EFNA5: variants seen among roughly 807,000 people sequenced by gnomAD.
EFNA5 encodes the protein ephrin A5.
A neutral mutation model predicts 22.9 loss-of-function variants in EFNA5; 5 were observed. The observed-to-expected ratio is 0.22, with a 90% confidence interval of 0.11 to 0.46. The LOEUF (loss-of-function observed/expected upper bound fraction) is 0.46, where lower values mean the gene tolerates loss of function less well. Ranked by LOEUF, EFNA5 falls within the 20% of genes least tolerant of loss-of-function variation. The pLI is 0.99. For synonymous variants in EFNA5, 113 were observed against 112.2 expected, an observed-to-expected ratio of 1.01 and a Z score of -0.04; for missense variants, 237 against 293.3, an observed-to-expected ratio of 0.81 and a Z score of 1.40.
intron 1 of EFNA5, among the ~76,000 whole-genome samples, chr5:107,640,976 GTAGA>G (rs55898305): frequency 0.048 from 6,905 of 145,296 alleles, 227 homozygotes; most frequent in African/African-American, 0.077. Flanking sequence ...AGGTAGGCAG[GTAGA>G]TAGATAGATA....
chr5:107,585,599 T>C (rs1442156931), intron 1 of EFNA5, among the ~76,000 whole-genome samples: 2 of 152,218 alleles, frequency 1.3e-5, no homozygotes, highest in Non-Finnish European at 2.9e-5. Flanking sequence ...GGAATCTGGA[T>C]GAGCCAAATT....
chr5:107,558,580 A>C (rs570785349), intron 1 of EFNA5, among the ~76,000 whole-genome samples: 57 of 152,262 alleles, frequency 3.7e-4, no homozygotes, highest in African/African-American at 1.3e-3. Context: ...AGAGGTTTAG[A>C]TTTGAAGCCA....
chr5:107,518,515 G>T (rs1346138805), intron 1 of EFNA5, among the ~76,000 whole-genome samples: 1 of 151,418 alleles, frequency 6.6e-6, no homozygotes, highest in African/African-American at 2.4e-5. Flanking sequence ...GCAGAAGGAT[G>T]TTCAAGGATT....
intron 1 of EFNA5, among the ~76,000 whole-genome samples, chr5:107,501,636 A>G (rs1449573248): frequency 6.6e-6 from 1 of 152,260 alleles, no homozygotes; most frequent in South Asian, 2.1e-4. Flanking sequence ...TGAAAAACTT[A>G]AAACTGTAAT....
At chr5:107,651,586 T>C (rs1750730957) in intron 1 of EFNA5, among the ~76,000 whole-genome samples, 1 of 152,010 alleles carries the variant, frequency 6.6e-6, no homozygotes, top group Non-Finnish European at 1.5e-5. Context: ...TACAACTTGA[T>C]GTTTGCTTGG....
At chr5:107,557,944 C>A (rs1332767374) in intron 1 of EFNA5, among the ~76,000 whole-genome samples, 1 of 152,102 alleles carries the variant, frequency 6.6e-6, no homozygotes, top group South Asian at 2.1e-4. Flanking sequence ...CAAGATAAAA[C>A]AAGCACAAAA....
At chr5:107,443,098 G>A (rs571799037) in intron 1 of EFNA5, among the ~76,000 whole-genome samples, 41 of 152,068 alleles carry the variant, frequency 2.7e-4, no homozygotes, top group Middle Eastern at 6.8e-3. Context: ...GTACCATTAT[G>A]AAACCATTAG....
At chr5:107,664,214 T>G (rs1421874019) in intron 1 of EFNA5, among the ~76,000 whole-genome samples, 1 of 152,164 alleles carries the variant, frequency 6.6e-6, no homozygotes, top group African/African-American at 2.4e-5. Flanking sequence ...TAAAAAGTAC[T>G]ATCAAGAATA....
At chr5:107,498,425 C>T (rs1747044137) in intron 1 of EFNA5, among the ~76,000 whole-genome samples, 1 of 152,184 alleles carries the variant, frequency 6.6e-6, no homozygotes, top group South Asian at 2.1e-4. Context: ...TACCAACACA[C>T]TACAGGAACA....
At chr5:107,427,530 A>G in intron 1 of EFNA5, 21 bp from the exon 2 acceptor site, 2 of 1,566,716 alleles carry the variant, frequency 1.3e-6, no homozygotes, top group Non-Finnish European at 8.6e-7. Context: ...AAGAAAAAAA[A>G]ATGTGATAAT....
chr5:107,420,193 C>T (rs981627795), intron 2 of EFNA5, among the ~76,000 whole-genome samples: 5 of 152,040 alleles, frequency 3.3e-5, no homozygotes, highest in African/African-American at 1.2e-4. Context: ...AGGAAATGGT[C>T]TTAAAACTTA....
chr5:107,570,750 T>G (rs1011655078), intron 1 of EFNA5, among the ~76,000 whole-genome samples: 1 of 152,176 alleles, frequency 6.6e-6, no homozygotes, highest in Admixed American at 6.5e-5. Context: ...GGAACCCTAT[T>G]GTGCACATGA....
chr5:107,648,008 A>G (rs1750661023), intron 1 of EFNA5, among the ~76,000 whole-genome samples: 1 of 152,180 alleles, frequency 6.6e-6, no homozygotes, highest in African/African-American at 2.4e-5. Flanking sequence ...TTATATATCT[A>G]TTTCTATACT....
chr5:107,600,248 G>T (rs1284089378), intron 1 of EFNA5, among the ~76,000 whole-genome samples: 1 of 152,208 alleles, frequency 6.6e-6, no homozygotes, highest in African/African-American at 2.4e-5. Flanking sequence ...TATGTGAATA[G>T]ATAGAACAGT....
intron 1 of EFNA5, among the ~76,000 whole-genome samples, chr5:107,597,359 G>T (rs1435400939): frequency 6.6e-6 from 1 of 152,088 alleles, no homozygotes; most frequent in Non-Finnish European, 1.5e-5. Context: ...TCCAATGTAA[G>T]CTTCCACTCA....
intron 2 of EFNA5, among the ~76,000 whole-genome samples, chr5:107,391,369 G>A (rs1747791373): frequency 6.6e-6 from 1 of 152,114 alleles, no homozygotes; most frequent in Non-Finnish European, 1.5e-5. Context: ...CTCTGGGCAG[G>A]GAGCAAGAGT....
intron 1 of EFNA5, among the ~76,000 whole-genome samples, chr5:107,649,272 AT>A (rs1750684818): frequency 6.6e-6 from 1 of 152,146 alleles, no homozygotes; most frequent in Non-Finnish European, 1.5e-5. Context: ...AGGCCTTGGT[AT>A]TTTTTTAAAA....
At chr5:107,402,438 T>G (rs2112390707) in intron 2 of EFNA5, among the ~76,000 whole-genome samples, 1 of 152,360 alleles carries the variant, frequency 6.6e-6, no homozygotes, top group East Asian at 1.9e-4. Flanking sequence ...GCTTCTTCAC[T>G]ATGAAAAATA....
chr5:107,587,865 C>A (rs1341315068), intron 1 of EFNA5, among the ~76,000 whole-genome samples: 11 of 152,118 alleles, frequency 7.2e-5, no homozygotes, highest in Non-Finnish European at 1.2e-4. Flanking sequence ...CTTCTGGGGT[C>A]ACTACTCCCT....
Sources: allele counts gnomAD v4.1 joint callset (sites outside exome capture counted in the v4.1 genomes callset), GRCh38; gene constraint gnomAD v4.1.1; transcripts MANE v1.5; gene names NCBI Gene and HGNC (gene_info 2026-07-23, HGNC 2026-07-21).